SLC25A3: variants seen among roughly 807,000 people sequenced by gnomAD.
SLC25A3 encodes phosphate transport protein.
A neutral mutation model predicts 37.1 loss-of-function variants in SLC25A3; 14 were observed. That is an observed-to-expected ratio of 0.38 (90% CI 0.25 to 0.59). The LOEUF (loss-of-function observed/expected upper bound fraction) is 0.59, where lower values mean the gene tolerates loss of function less well. Among genes scored for constraint, SLC25A3 ranks in the 20% least tolerant of loss-of-function variants. The pLI is 0.67. For missense variants in SLC25A3, 385 were observed against 458.1 expected (o/e 0.84, Z 1.46); for synonymous variants, 161 against 168.7 (o/e 0.95, Z 0.36).
intron 2 of SLC25A3, chr12:98,594,547 C>T (rs755719456): frequency 3.4e-6 from 2 of 593,464 alleles, no homozygotes; most frequent in Admixed American, 3.0e-5. Flanking sequence ...ATAGTCCTTT[C>T]CTAAGTTTTA....
rs1032298010 is a variant in SLC25A3 at position 98,602,395 on chromosome 12, C to T, written c.*867C>T. On this transcript the variant is annotated 3_prime_UTR_variant, in exon 8 of 8. Coordinates refer to ENST00000552981, the MANE Select transcript of SLC25A3 (RefSeq NM_002635.4). ...GTCAGGCTGGTCTCGAACTTCCAAC[C>T]TCAGGTGATCCGCCCGCCTCAGCCT... 1.3e-5 allele frequency: 2 copies of T among 152,158 alleles called. No homozygotes were observed. Among genetic ancestry groups the T allele is most frequent in the Non-Finnish European group, 2.9e-5 (2 of 68,066 alleles). The allele number at this position is 152,158 out of a possible 1,614,324, so 9.4% of individuals were successfully genotyped here.
chr12:98,598,778 TTTG>T, intron 5 of SLC25A3, 75 bp downstream of exon 5: 7 of 1,405,506 alleles, frequency 5.0e-6, no homozygotes, highest in Non-Finnish European at 6.8e-6. Flanking sequence ...TGTTTTTTTT[TTTG>T]TTTTGTTTTT....
chr12:98,595,915 T>C lies in SLC25A3; in HGVS notation c.279+67T>C, dbSNP rs368250888. On this transcript the variant is annotated intron_variant, in intron 3 of 7. Transcript: ENST00000552981. ...ACTTAACTCTAAATAAAATCTTAAA[T>C]GAGAATTTGAAGACATCACAACTGC... 4.7e-5 allele frequency: 69 copies of C among 1,461,358 alleles called. 3 individuals carry two copies. Among genetic ancestry groups the C allele is most frequent in the East Asian group, 1.8e-4 (8 of 44,118 alleles). The allele number at this position is 1,461,358 out of a possible 1,614,324, so 90.5% of individuals were successfully genotyped here. A position where few individuals can be genotyped will look rare whatever the true frequency, so the allele number is the denominator to read the frequency against.
In SLC25A3 at chr12:98,601,455, A is replaced by G. The variant is rs762187869; in HGVS notation, c.1013A>G (p.Tyr338Cys). 8.1e-6 allele frequency: 13 copies of G among 1,613,952 alleles called. No homozygotes were observed. The highest frequency in any genetic ancestry group is 2.2e-5 in the South Asian group (2 of 91,076). The change falls in exon 8 of 8, where the codon TAC becomes TGC. Residue 338 changes from tyrosine to cysteine, a missense_variant. Physicochemically the swap from Tyr to Cys is radical, Grantham distance 194. Transcript: ENST00000552981. ...TTTATCTATGACTCCGTGAAGGTCT[A>G]CTTCAGACTTCCTCGCCCTCCTCCA... ...QWFIYDSVKV[Y>C]FRLPRPPPPE...
At chr12:98,601,088 T>C (rs2097597479) in intron 6 of SLC25A3, 83 bp from the exon 7 acceptor site, 2 of 1,482,820 alleles carry the variant, frequency 1.3e-6, no homozygotes, top group Non-Finnish European at 1.8e-6. Flanking sequence ...AAAAATATTA[T>C]TTTAAAATCA....
chr12:98,603,706 T>C lies in SLC25A3; in HGVS notation c.*2178T>C, dbSNP rs982618271. The C allele has an allele frequency of 1.3e-5, 2 of 152,194 alleles. No homozygotes were observed. Among genetic ancestry groups the C allele is most frequent in the Non-Finnish European group, 2.9e-5 (2 of 68,042 alleles). 9.4% of individuals were successfully genotyped at this position (152,194 alleles called of 1,614,324 possible). On this transcript the variant is annotated 3_prime_UTR_variant, in exon 8 of 8. Transcript: ENST00000552981. ...TTGTGGGCATTGATACAAAATACGC[T>C]GTGTTCAAGCTATGGAGCCTGCCAC...
At chr12:98,595,565 T>C (rs747543206) in intron 2 of SLC25A3, 162 bp from the exon 3 acceptor site, 12 of 1,614,108 alleles carry the variant, frequency 7.4e-6, no homozygotes, top group Non-Finnish European at 8.5e-6. Context: ...CAGGTTTGTT[T>C]TGCATGCTGG....
intron 6 of SLC25A3, 75 bp downstream of exon 6, chr12:98,600,202 G>A: frequency 9.5e-7 from 1 of 1,052,312 alleles, no homozygotes; most frequent in Non-Finnish European, 1.5e-6. Flanking sequence ...TTTTTTGAGA[G>A]GGAAAAATAC....
Position 98,600,040 on chromosome 12 carries a change from G to A in SLC25A3, c.727G>A (p.Ala243Thr), listed in dbSNP as rs765887081. ...KFACFERTVE[A>T]LYKFVVPKPR... The stretch of plus-strand genomic sequence containing the variant: ...CGCCTGCTTTGAACGTACTGTTGAA[G>A]CACTGTACAAGTTTGTGGTTCCTAA... Residue 243 changes from alanine (A) to threonine (T), a missense_variant, in exon 6 of 8, where the codon GCA becomes ACA. This residue lies in a region of SLC25A3 where 276 missense variants were observed against 367.6 expected (regional missense o/e 0.75). Transcript: ENST00000552981. 2 of 1,614,046 alleles carry A rather than the reference G, an allele frequency of 1.2e-6. No individual in the cohort carries two copies. The highest frequency in any genetic ancestry group is 1.1e-5 in the South Asian group (1 of 91,080).
In SLC25A3 at chr12:98,602,482, T is replaced by C. The variant is rs1166690856; in HGVS notation, c.*954T>C. ...CCCGGCTCTGACTTTTTACAGAAAA[T>C]TGAACTATTTTCAGTCTGGTATTTT... On this transcript the variant is annotated 3_prime_UTR_variant, in exon 8 of 8. Transcript: ENST00000552981. 6.6e-6 allele frequency: 1 copy of C among 152,106 alleles called. No individual in the cohort carries two copies. Among genetic ancestry groups the C allele is most frequent in the Non-Finnish European group, 1.5e-5 (1 of 68,014 alleles). 9.4% of individuals were successfully genotyped at this position (152,106 alleles called of 1,614,324 possible).
intron 2 of SLC25A3, chr12:98,594,658 C>G (rs2097591435): frequency 5.0e-6 from 2 of 401,298 alleles, no homozygotes; most frequent in African/African-American, 4.1e-5. Flanking sequence ...TGCAGCCCTA[C>G]ATAGGCAATA....
rs551556050 is a variant in SLC25A3, at chr12:98,604,360, A to G, written c.*2832A>G. On this transcript the variant is annotated 3_prime_UTR_variant, in exon 8 of 8. Coordinates refer to ENST00000552981, the MANE Select transcript of SLC25A3 (RefSeq NM_002635.4). ...ATAGTAACTTCCAGTAGGATCAAAT[A>G]TTTTGAGAGTGGTTAAAACGCCAAG... is the stretch of plus-strand genomic sequence containing the variant. 1 of 151,572 alleles carries G rather than the reference A, an allele frequency of 6.6e-6. No homozygotes were observed. Among genetic ancestry groups the G allele is most frequent in the South Asian group, 2.1e-4 (1 of 4,808 alleles). The allele number at this position is 151,572 out of a possible 1,614,324, so 9.4% of individuals were successfully genotyped here. A position where few individuals can be genotyped will look rare whatever the true frequency, so the allele number is the denominator to read the frequency against.
Sources: allele counts gnomAD v4.1 joint callset, GRCh38; gene constraint gnomAD v4.1.1; regional missense constraint gnomAD v4.1.1; transcripts MANE v1.5; gene names NCBI Gene and HGNC (gene_info 2026-07-23, HGNC 2026-07-21).